Variants in SNTG1 observed in about 807,000 individuals in gnomAD.
SNTG1 encodes gamma-1-syntrophin.
SNTG1 carries 39 observed loss-of-function variants against 74.7 expected under a neutral mutation model. The ratio of observed to expected loss-of-function variants is 0.52; its 90% CI spans 0.40 to 0.68. The LOEUF (loss-of-function observed/expected upper bound fraction) is 0.68. Ranked by LOEUF, SNTG1 falls within the 30% of genes least tolerant of loss-of-function variation. SNTG1 has a pLI of 0.00. For missense variants in SNTG1, 685 were observed against 609.5 expected (o/e 1.12, Z -1.30); for synonymous variants, 254 against 217.1 (o/e 1.17, Z -1.49).
chr8:50,358,710 G>A (rs373577415), intron 2 of SNTG1, among the ~76,000 whole-genome samples: 1 of 152,078 alleles, frequency 6.6e-6, no homozygotes, highest in South Asian at 2.1e-4. Flanking sequence ...ACAGTACAGG[G>A]ATTAATGCTG....
chr8:50,763,832 G>A (rs1365546561), intron 18 of SNTG1, among the ~76,000 whole-genome samples: 1 of 134,996 alleles, frequency 7.4e-6, no homozygotes, highest in Non-Finnish European at 1.6e-5. Context: ...CTTTTTTAGA[G>A]ATAAGCTCTA....
In SNTG1 at chr8:50,348,537, C is replaced by T. The variant is rs564646645; in HGVS notation, c.-27-45675C>T. On this transcript the variant is annotated intron_variant, in intron 2 of 18. Coordinates refer to ENST00000642720, the MANE Select transcript of SNTG1 (RefSeq NM_018967.5). The stretch of plus-strand genomic sequence containing the variant: ...TTTGACCTGGCTTTAATTTGGTCAC[C>T]GCAAGGAGTAAGGTCTGAGGAAAGC... Among the ~76,000 whole-genome samples, 193 of 152,186 alleles carry T rather than the reference C, an allele frequency of 1.3e-3. 3 individuals carry two copies. In the South Asian group the frequency reaches 0.037, roughly 29 times the overall value.
chr8:50,064,978 T>A (rs1458201530), intron 1 of SNTG1, among the ~76,000 whole-genome samples: 1 of 152,214 alleles, frequency 6.6e-6, no homozygotes, highest in Non-Finnish European at 1.5e-5. Context: ...TCCCTTGTAA[T>A]GTTAAGTGCT....
intron 2 of SNTG1, among the ~76,000 whole-genome samples, chr8:50,334,505 T>TA (rs34886446): frequency 0.14 from 19,301 of 137,134 alleles, 1,728 homozygotes; most frequent in African/African-American, 0.27. Context: ...ATATCTCTGC[T>TA]AAAAAAAAAA....
chr8:50,378,052 T>C (rs2131204712), intron 2 of SNTG1, among the ~76,000 whole-genome samples: 1 of 152,368 alleles, frequency 6.6e-6, no homozygotes, highest in East Asian at 1.9e-4. Flanking sequence ...TGGCAGGCTG[T>C]GCTTGGCTCA....
At chr8:50,680,342 C>T (rs2095326109) in intron 15 of SNTG1, among the ~76,000 whole-genome samples, 1 of 152,130 alleles carries the variant, frequency 6.6e-6, no homozygotes, top group South Asian at 2.1e-4. Context: ...TTTGCAAATC[C>T]TGTCAGGACT....
chr8:50,513,020 C>T (rs2094097356), intron 9 of SNTG1, among the ~76,000 whole-genome samples: 2 of 152,152 alleles, frequency 1.3e-5, no homozygotes, highest in South Asian at 4.1e-4. Context: ...AGTTTTTCTG[C>T]TCTGTTTTTT....
In SNTG1 at chr8:50,442,618, A is replaced by G. The variant is rs2093367587; in HGVS notation, c.219+4019A>G. On this transcript the variant is annotated intron_variant, in intron 5 of 18. Coordinates refer to ENST00000642720, the MANE Select transcript of SNTG1 (RefSeq NM_018967.5). Reference sequence around the variant, plus strand: ...TTATTATTTAATTTTCCTTTGTTAAAACATCTCTCAGAAATCACATACTTG... The same window carrying G: ...TTATTATTTAATTTTCCTTTGTTAAGACATCTCTCAGAAATCACATACTTG... Among the ~76,000 whole-genome samples, 3 of 149,754 alleles carry G rather than the reference A, an allele frequency of 2.0e-5. No homozygotes were observed. In the South Asian group the frequency reaches 6.3e-4, roughly 31 times the overall value.
intron 2 of SNTG1, among the ~76,000 whole-genome samples, chr8:50,259,494 GTC>G (rs2087048478): frequency 7.6e-5 from 5 of 65,596 alleles, no homozygotes; most frequent in East Asian, 3.8e-4. Flanking sequence ...GAGAGACGCT[GTC>G]TCAAAAAAAA....
intron 13 of SNTG1, among the ~76,000 whole-genome samples, chr8:50,619,592 G>A (rs566567043): frequency 1.3e-5 from 2 of 152,050 alleles, no homozygotes; most frequent in East Asian, 2.0e-4. Flanking sequence ...TTAGCTGGGC[G>A]TGGTGGCGGG....
chr8:50,615,813 G>C (rs1045724703), intron 13 of SNTG1, among the ~76,000 whole-genome samples: 1 of 152,262 alleles, frequency 6.6e-6, no homozygotes, highest in African/African-American at 2.4e-5. Context: ...ACCACATCTG[G>C]GGCTGCAAAG....
intron 2 of SNTG1, among the ~76,000 whole-genome samples, chr8:50,362,420 A>T (rs1460829159): frequency 6.6e-6 from 1 of 152,202 alleles, no homozygotes; most frequent in Admixed American, 6.5e-5. Flanking sequence ...TAATGAGGGA[A>T]GGGAGAAGTA....
chr8:50,140,006 CA>C (rs761047183), intron 1 of SNTG1, among the ~76,000 whole-genome samples: 4 of 152,100 alleles, frequency 2.6e-5, no homozygotes, highest in Non-Finnish European at 5.9e-5. Flanking sequence ...TTTTATATTG[CA>C]AAGAAAACAA....
chr8:50,600,429 T>C (rs2094764142), intron 13 of SNTG1, among the ~76,000 whole-genome samples: 1 of 152,134 alleles, frequency 6.6e-6, no homozygotes, highest in Non-Finnish European at 1.5e-5. Flanking sequence ...TCCTCAGATT[T>C]TCTTTACTGG....
chr8:50,777,497 G>A (rs1464494905), intron 18 of SNTG1, among the ~76,000 whole-genome samples: 1 of 150,652 alleles, frequency 6.6e-6, no homozygotes, highest in Non-Finnish European at 1.5e-5. Flanking sequence ...TAGGGTTTCT[G>A]TTTCTTTTCT....
chr8:50,405,685 C>T lies in SNTG1; in HGVS notation c.162+3341C>T, dbSNP rs150160716. Among the ~76,000 whole-genome samples the T allele has an allele frequency of 2.5e-3, 386 of 152,020 alleles. 2 individuals carry two copies. Among genetic ancestry groups the T allele is most frequent in the African/African-American group, 8.9e-3 (369 of 41,512 alleles). On this transcript the variant is annotated intron_variant, in intron 4 of 18. Transcript: ENST00000642720. The stretch of plus-strand genomic sequence containing the variant: ...TCAATTTTTTCTTCTATTGGTCGTA[C>T]CTTTTATACCATCTCCAATAAATAA...
At chr8:50,648,273 C>T (rs1199251122) in intron 13 of SNTG1, among the ~76,000 whole-genome samples, 1 of 152,152 alleles carries the variant, frequency 6.6e-6, no homozygotes, top group Non-Finnish European at 1.5e-5. Flanking sequence ...TAGTACACCA[C>T]CCTTAATATT....
intron 2 of SNTG1, among the ~76,000 whole-genome samples, chr8:50,184,697 C>T (rs572970094): frequency 2.0e-4 from 31 of 152,240 alleles, no homozygotes; most frequent in Admixed American, 3.3e-4. Context: ...ATATGTGTCC[C>T]AGTGAGTTTA....
chr8:50,517,638 A>AT (rs2094145404), intron 9 of SNTG1, among the ~76,000 whole-genome samples: 1 of 148,350 alleles, frequency 6.7e-6, no homozygotes, highest in Non-Finnish European at 1.5e-5. Flanking sequence ...AAAAAAAAAA[A>AT]TAGCAGGGGT....
Sources: allele counts gnomAD v4.1 joint callset (sites outside exome capture counted in the v4.1 genomes callset), GRCh38; gene constraint gnomAD v4.1.1; transcripts MANE v1.5; gene names NCBI Gene and HGNC (gene_info 2026-07-23, HGNC 2026-07-21).